ZNF256: variants seen among roughly 807,000 people sequenced by gnomAD.
ZNF256 encodes bone marrow zinc finger 3.
A neutral mutation model predicts 7.9 loss-of-function variants in ZNF256; 4 were observed. The observed-to-expected ratio is 0.50, with a 90% CI of 0.25 to 1.15. ZNF256 has a LOEUF of 1.15. Ranked by LOEUF, ZNF256 falls within the 50% of genes most tolerant of loss-of-function variation. ZNF256 has a pLI of 0.15. For missense variants in ZNF256, 666 were observed against 755.9 expected (o/e 0.88, Z 1.39); for synonymous variants, 260 against 260.4 (o/e 1.00, Z 0.02).
chr19:57,943,540 C>T (rs1386965816), intron 2 of ZNF256, among the ~76,000 whole-genome samples: 1 of 152,156 alleles, frequency 6.6e-6, no homozygotes, highest in Non-Finnish European at 1.5e-5. Context: ...AAGAGCCACT[C>T]GTAGTCCACA....
chr19:57,942,630 C>T lies in ZNF256; in HGVS notation c.178G>A (p.Asp60Asn), dbSNP rs144145890. The change falls in exon 3 of 3, where the codon GAT becomes AAT. Residue 60 changes from aspartate to asparagine, a missense_variant. Coordinates refer to ENST00000282308, the MANE Select transcript of ZNF256 (RefSeq NM_005773.3). ...CTCTGCTGATAAGGTGCCTCCTCAT[C>T]CCCTGCTCCAGAACCACCTGAAAGA... ...TTSLGGSGAGDEEAPYQQSTS... is the reference protein window; with the variant it reads ...TTSLGGSGAGNEEAPYQQSTS... 111 of 1,613,280 alleles carry T rather than the reference C, an allele frequency of 6.9e-5. No individual in the cohort carries two copies. The African/African-American group carries it at 1.2e-3, about 17-fold the overall frequency.
rs201656146 is a variant in ZNF256, at chr19:57,941,892, T to G, written c.916A>C (p.Arg306=). The G allele has an allele frequency of 6.2e-7, 1 of 1,614,212 alleles. No homozygotes were observed. Among genetic ancestry groups the G allele is most frequent in the Non-Finnish European group, 8.5e-7 (1 of 1,180,040 alleles). Residue 306 remains arginine (R), a synonymous_variant, in exon 3 of 3, where the codon AGG becomes CGG. Transcript: ENST00000282308. ...QCDECGKLFN[R]KYDLLIHQRV... ...TGATGTATAAGAAGGTCATACTTCC[T>G]GTTAAATAATTTTCCACATTCATCA...
At chr19:57,946,962 T>C (rs2072770320) in intron 1 of ZNF256, among the ~76,000 whole-genome samples, 1 of 152,204 alleles carries the variant, frequency 6.6e-6, no homozygotes, top group Non-Finnish European at 1.5e-5. Context: ...GACCCTGGGC[T>C]TGGGGTTCAC....
chr19:57,942,702 A>G (rs2072739427), intron 2 of ZNF256, 55 bp from the exon 3 acceptor site: 4 of 1,569,398 alleles, frequency 2.5e-6, no homozygotes, highest in South Asian at 2.4e-5. Flanking sequence ...GAGTGGAGGT[A>G]GCCCACAGAC....
chr19:57,942,809 C>A (rs552321280), intron 2 of ZNF256, among the ~76,000 whole-genome samples, 162 bp from the exon 3 acceptor site: 1 of 152,136 alleles, frequency 6.6e-6, no homozygotes, highest in Admixed American at 6.5e-5. Context: ...CCTAGCAGAA[C>A]TGGGCCTCTA....
chr19:57,943,818 C>T (rs1218387668), intron 2 of ZNF256, 116 bp downstream of exon 2: 1 of 1,407,930 alleles, frequency 7.1e-7, no homozygotes, highest in African/African-American at 1.4e-5. Context: ...ACCGCAGCAC[C>T]TGCCCAGGAA....
chr19:57,942,224 G>A lies in ZNF256; in HGVS notation c.584C>T (p.Ser195Leu), dbSNP rs762145541. The A allele has an allele frequency of 2.5e-6, 4 of 1,614,246 alleles. No homozygotes were observed. The highest frequency in any genetic ancestry group is 3.4e-6 in the Non-Finnish European group (4 of 1,180,048). ...QQQAAHTRKKSNRTKSAVAFH... is the reference protein window; with the variant it reads ...QQQAAHTRKKLNRTKSAVAFH... ...GGCCACTGCACTCTTGGTTCTGTTT[G>A]ACTTCTTTCTGGTGTGAGCAGCCTG... The change falls in exon 3 of 3, where the codon TCA (serine) becomes TTA (leucine). Residue 195 changes from serine (S) to leucine (L), a missense_variant. Transcript: ENST00000282308.
At chr19:57,943,216 T>A (rs1341039890) in intron 2 of ZNF256, among the ~76,000 whole-genome samples, 3 of 151,934 alleles carry the variant, frequency 2.0e-5, no homozygotes, top group South Asian at 4.2e-4. Context: ...AGTAATGAGG[T>A]TTGGCCCCAA....
At position 57,941,142 on chromosome 19, in the gene ZNF256, A is replaced by G; in HGVS notation, c.1666T>C (p.Phe556Leu). ...PYECSECWKS[F>L]SNHSSLVKHR... is the part of the protein sequence containing the mutation. Reference sequence around the variant, plus strand: ...TTAACGAGGCTAGAGTGGTTACTAAAGGATTTCCAACACTCACTGCACTCA... The same window carrying G: ...TTAACGAGGCTAGAGTGGTTACTAAGGGATTTCCAACACTCACTGCACTCA... Residue 556 changes from phenylalanine to leucine, a missense_variant, in exon 3 of 3, where the codon TTT becomes CTT. Physicochemically the swap from Phe to Leu is conservative, Grantham distance 22 (BLOSUM62 0). Transcript: ENST00000282308. The G allele has an allele frequency of 6.2e-7, 1 of 1,614,150 alleles. No individual in the cohort carries two copies. Among genetic ancestry groups the G allele is most frequent in the Non-Finnish European group, 8.5e-7 (1 of 1,180,012 alleles).
In ZNF256 at chr19:57,941,780, C is replaced by T; in HGVS notation, c.1028G>A (p.Arg343Lys). 1 of 1,614,086 alleles carries T rather than the reference C, an allele frequency of 6.2e-7. No individual in the cohort carries two copies. The highest frequency in any genetic ancestry group is 8.5e-7 in the Non-Finnish European group (1 of 1,179,968). The stretch of plus-strand genomic sequence containing the variant: ...ATAAGGCCTCATTCCAGTATGAATT[C>T]TCTGGTGTGTAATGAGGCTAGAGCT... ...SHSSSLITHQ[R>K]IHTGMRPYEC... is the part of the protein sequence containing the mutation. Residue 343 changes from arginine (R) to lysine (K), a missense_variant, in exon 3 of 3, where the codon AGA becomes AAA. Coordinates refer to ENST00000282308, the MANE Select transcript of ZNF256 (RefSeq NM_005773.3).
In ZNF256 at chr19:57,943,925, G is replaced by T; in HGVS notation, c.160+9C>A. ...GCTCGGGGCATAGAGGTGGGTGTGA[G>T]GACCTTACCCAGGGAGGTTGTAAGT... On this transcript the variant is annotated intron_variant, in intron 2 of 2. Transcript: ENST00000282308. 6.2e-7 allele frequency: 1 copy of T among 1,613,672 alleles called. No individual in the cohort carries two copies. The highest frequency in any genetic ancestry group is 8.5e-7 in the Non-Finnish European group (1 of 1,179,750).
chr19:57,941,818 T>C lies in ZNF256; in HGVS notation c.990A>G (p.Lys330=), dbSNP rs909686508. The C allele has an allele frequency of 6.2e-6, 10 of 1,614,004 alleles. No individual in the cohort carries two copies. In the East Asian group the frequency reaches 6.7e-5, roughly 11 times the overall value. Residue 330 remains lysine (K), a synonymous_variant, in exon 3 of 3, where the codon AAA becomes AAG. Transcript: ENST00000282308. ...ERPYKCSECG[K]SFSHSSSLIT... ...TGAGGCTAGAGCTATGGCTAAAGGATTTCCCACATTCACTGCACTTGTAAG... is the reference window on the plus strand; with the variant it reads ...TGAGGCTAGAGCTATGGCTAAAGGACTTCCCACATTCACTGCACTTGTAAG...
Position 57,947,496 on chromosome 19 carries a change from G to T in ZNF256, c.-22C>A. On this transcript the variant is annotated 5_prime_UTR_variant, in exon 1 of 3. Transcript: ENST00000282308. ...CCATCTGACTCTGTGAGCGGAGCGG[G>T]GCCAGAGAGGATGTCCTTATTCCGG... is the stretch of plus-strand genomic sequence containing the variant. 1 of 1,249,248 alleles carries T rather than the reference G, an allele frequency of 8.0e-7. No individual in the cohort carries two copies. The highest frequency in any genetic ancestry group is 1.0e-6 in the Non-Finnish European group (1 of 988,614). 77.4% of individuals were successfully genotyped at this position (1,249,248 alleles called of 1,614,324 possible).
At position 57,941,412 on chromosome 19, in the gene ZNF256, T is replaced by C; in HGVS notation, c.1396A>G (p.Ser466Gly). 1 of 1,614,234 alleles carries C rather than the reference T, an allele frequency of 6.2e-7. No homozygotes were observed. Among genetic ancestry groups the C allele is most frequent in the East Asian group, 2.2e-5 (1 of 44,894 alleles). The change falls in exon 3 of 3, where the codon AGT becomes GGT. Residue 466 changes from serine to glycine, a missense_variant. Coordinates refer to ENST00000282308, the MANE Select transcript of ZNF256 (RefSeq NM_005773.3). Reference sequence around the variant, plus strand: ...CAGGTAAAGGATTTTCCACATTCACTGCACTCATATGGCCTTTCTCCTGTG... The same window carrying C: ...CAGGTAAAGGATTTTCCACATTCACCGCACTCATATGGCCTTTCTCCTGTG... The part of the protein sequence containing the change: ...VHTGERPYEC[S>G]ECGKSFTCKS...
At position 57,943,933 on chromosome 19, in the gene ZNF256, C is replaced by T; in HGVS notation, c.160+1G>A. On this transcript the variant is annotated splice_donor_variant, in intron 2 of 2. Coordinates refer to ENST00000282308, the MANE Select transcript of ZNF256 (RefSeq NM_005773.3). LOFTEE classifies it high-confidence loss of function. ...CATAGAGGTGGGTGTGAGGACCTTACCCAGGGAGGTTGTAAGTGTCAAGTT... is the reference window on the plus strand; with the variant it reads ...CATAGAGGTGGGTGTGAGGACCTTATCCAGGGAGGTTGTAAGTGTCAAGTT... 1.9e-6 allele frequency: 3 copies of T among 1,613,860 alleles called. No homozygotes were observed. In the Middle Eastern group the frequency reaches 5.0e-4, roughly 266 times the overall value.
rs61732971 is a variant in ZNF256 at position 57,941,688 on chromosome 19, T to C, written c.1120A>G (p.Thr374Ala). 496 of 1,614,168 alleles carry C rather than the reference T, an allele frequency of 3.1e-4. 2 individuals carry two copies. In the African/African-American group the frequency reaches 5.8e-3, roughly 19 times the overall value. The change falls in exon 3 of 3, where the codon ACT becomes GCT. Residue 374 changes from threonine (T) to alanine (A), a missense_variant. Transcript: ENST00000282308. ...SSLITHQRVH[T>A]GTRPYMCSEC... ...CTGCACATATAAGGCCTTGTACCAG[T>C]GTGAACTCTCTGGTGTGTAATAAGG... is the stretch of plus-strand genomic sequence containing the variant.
In ZNF256 at chr19:57,942,446, C is replaced by A; in HGVS notation, c.362G>T (p.Gly121Val). 6.2e-7 allele frequency: 1 copy of A among 1,614,212 alleles called. No individual in the cohort carries two copies. Among genetic ancestry groups the A allele is most frequent in the Non-Finnish European group, 8.5e-7 (1 of 1,180,046 alleles). The change falls in exon 3 of 3, where the codon GGG (glycine) becomes GTG (valine). Residue 121 changes from glycine (G) to valine (V), a missense_variant. Gly to Val is a moderately radical substitution (Grantham distance 109, BLOSUM62 -3). Transcript: ENST00000282308. ...AAATTGTAATTGTTTCCTACATGCCCCGTCTGTATACAGTTTCTGACCATG... is the reference window on the plus strand; with the variant it reads ...AAATTGTAATTGTTTCCTACATGCCACGTCTGTATACAGTTTCTGACCATG... ...THHGQKLYTD[G>V]ACRKQLQFTA...
chr19:57,947,528 C>T lies in ZNF256; in HGVS notation c.-54G>A, dbSNP rs1600199023. On this transcript the variant is annotated 5_prime_UTR_variant, in exon 1 of 3. Coordinates refer to ENST00000282308, the MANE Select transcript of ZNF256 (RefSeq NM_005773.3). The stretch of plus-strand genomic sequence containing the variant: ...GAGGATGTCCTTATTCCGGGCCGGG[C>T]CTGGGTACCCTGGGCGCCGCCGAGC... 2 of 1,247,040 alleles carry T rather than the reference C, an allele frequency of 1.6e-6. No homozygotes were observed. Among genetic ancestry groups the T allele is most frequent in the Non-Finnish European group, 2.0e-6 (2 of 986,612 alleles). 77.2% of individuals were successfully genotyped at this position (1,247,040 alleles called of 1,614,324 possible). A position where few individuals can be genotyped will look rare whatever the true frequency, so the allele number is the denominator to read the frequency against.
chr19:57,945,201 C>T (rs2072758726), intron 1 of ZNF256, among the ~76,000 whole-genome samples: 1 of 152,098 alleles, frequency 6.6e-6, no homozygotes. Context: ...GGCTGAACAG[C>T]TTATTAATTA....
Sources: gnomAD v4.1 joint callset for allele counts (sites outside exome capture counted in the v4.1 genomes callset) on GRCh38, gnomAD v4.1.1 for gene constraint, MANE v1.5 for transcripts, NCBI Gene and HGNC (gene_info 2026-07-23, HGNC 2026-07-21) for gene names.